The following CNOT3 variants were observed in gnomAD, a reference collection of about 807,000 sequenced individuals.
CNOT3 encodes CCR4-associated factor 3.
CNOT3 carries 2 observed loss-of-function variants against 89.4 expected under a neutral mutation model. The observed-to-expected ratio is 0.02, with a 90% CI of 0.01 to 0.07. The LOEUF (loss-of-function observed/expected upper bound fraction) is 0.07, where lower values mean the gene tolerates loss of function less well. Ranked by LOEUF, CNOT3 falls within the 10% of genes least tolerant of loss-of-function variation. CNOT3 has a pLI of 1.00. For missense variants in CNOT3, 664 were observed against 1,010.2 expected (o/e 0.66, Z 4.65); for synonymous variants, 486 against 402.0 (o/e 1.21, Z -2.50).
chr19:54,148,548 G>A lies in CNOT3; in HGVS notation c.1282+13G>A. 6.4e-7 allele frequency: 1 copy of A among 1,552,698 alleles called. No individual in the cohort carries two copies. On this transcript the variant is annotated intron_variant, in intron 11 of 17. Coordinates refer to ENST00000221232, the MANE Select transcript of CNOT3 (RefSeq NM_014516.4). The surrounding 1 kb of genome is among the most constrained non-coding windows in gnomAD (Gnocchi z 6.3). ...AATGGCGCCACCAGTGAGTGAGGAG[G>A]CAGCGGGGTGGGGGGCGTGGGCGGG...
Position 54,145,872 on chromosome 19 carries a change from G to A in CNOT3, c.704-38G>A. The stretch of plus-strand genomic sequence containing the variant: ...GAAGTGAGGGCCCAGAATGGGCTGT[G>A]TGAGCCAGCTAAGCATGCCCTTCTT... On this transcript the variant is annotated intron_variant, in intron 8 of 17. Coordinates refer to ENST00000221232, the MANE Select transcript of CNOT3 (RefSeq NM_014516.4). This position sits in a 1 kb window ranked among gnomAD's most constrained non-coding sequence, Gnocchi z 5.9. 6.2e-7 allele frequency: 1 copy of A among 1,612,012 alleles called. No individual in the cohort carries two copies. Among genetic ancestry groups the A allele is most frequent in the Non-Finnish European group, 8.5e-7 (1 of 1,178,768 alleles).
In CNOT3 at chr19:54,145,600, G is replaced by A. The variant is rs368181282; in HGVS notation, c.486G>A (p.Lys162=). The A allele has an allele frequency of 1.2e-6, 2 of 1,613,022 alleles. No individual in the cohort carries two copies. Among genetic ancestry groups the A allele is most frequent in the Non-Finnish European group, 1.7e-6 (2 of 1,179,200 alleles). The change falls in exon 8 of 18, where the codon AAG becomes AAA. Residue 162 remains lysine, a splice_region_variant and synonymous_variant. Coordinates refer to ENST00000221232, the MANE Select transcript of CNOT3 (RefSeq NM_014516.4). This position sits in a 1 kb window ranked among gnomAD's most constrained non-coding sequence, Gnocchi z 5.9. ...QTRKKKGDKD[K]QDRIEGLKRH... Reference sequence around the variant, plus strand: ...CCTGGCCCTGGGCTCGCCAGCAGAAGCAGGACCGGATTGAGGGCTTGAAGC... The same window carrying A: ...CCTGGCCCTGGGCTCGCCAGCAGAAACAGGACCGGATTGAGGGCTTGAAGC...
Position 54,145,102 on chromosome 19 carries a change from C to T in CNOT3, c.484-496C>T, listed in dbSNP as rs1389185115. Among the ~76,000 whole-genome samples, 3 of 152,052 alleles carry T rather than the reference C, an allele frequency of 2.0e-5. No individual in the cohort carries two copies. The highest frequency in any genetic ancestry group is 2.9e-5 in the Non-Finnish European group (2 of 68,000). On this transcript the variant is annotated intron_variant, in intron 7 of 17. Coordinates refer to ENST00000221232, the MANE Select transcript of CNOT3 (RefSeq NM_014516.4). This position sits in a 1 kb window ranked among gnomAD's most constrained non-coding sequence, Gnocchi z 5.9. ...CAGGAGCGAGGCTTAGGAATCTGGGCTCTCTCAGGGATAAATGGGTAGGGT... is the reference window on the plus strand; with the variant it reads ...CAGGAGCGAGGCTTAGGAATCTGGGTTCTCTCAGGGATAAATGGGTAGGGT...
At chr19:54,149,835 C>A in intron 13 of CNOT3, 77 bp downstream of exon 13, 1 of 1,394,504 alleles carries the variant, frequency 7.2e-7, no homozygotes, top group Non-Finnish European at 9.6e-7. Flanking sequence ...TAGCTGCACC[C>A]CTTGCCCCCA....
chr19:54,143,876 G>A (rs757002768), intron 5 of CNOT3, 127 bp downstream of exon 5: 15 of 1,468,978 alleles, frequency 1.0e-5, no homozygotes, highest in Non-Finnish European at 1.3e-5. Context: ...TGCACCTAAG[G>A]GAAGTGAAGA....
rs1458965831 is a variant in CNOT3 at position 54,149,674 on chromosome 19, C to T, written c.1521C>T (p.Ser507=). The T allele has an allele frequency of 1.2e-6, 2 of 1,613,980 alleles. No homozygotes were observed. The highest frequency in any genetic ancestry group is 1.3e-5 in the African/African-American group (1 of 74,926). The change falls in exon 13 of 18, where the codon TCC becomes TCT. Residue 507 remains serine (S), a synonymous_variant. Transcript: ENST00000221232. ...LVPLPVNPPS[S]PTPSFSDAKA... is the part of the protein sequence containing the mutation. ...CACTGCCTGTGAATCCTCCCAGCTC[C>T]CCAACGCCCAGCTTCAGTGATGCCA...
intron 17 of CNOT3, chr19:54,154,299 T>A (rs759763547): frequency 5.0e-5 from 16 of 318,322 alleles, no homozygotes; most frequent in Non-Finnish European, 9.4e-5. Context: ...TCTCAAGTTC[T>A]AATACTGGGA....
chr19:54,150,931 C>G (rs1356047198), intron 13 of CNOT3, among the ~76,000 whole-genome samples: 3 of 151,954 alleles, frequency 2.0e-5, no homozygotes, highest in Non-Finnish European at 4.4e-5. Flanking sequence ...GCTGGGATTA[C>G]AGGCGCCTGC....
chr19:54,151,945 CT>C (rs1370817070), intron 13 of CNOT3, among the ~76,000 whole-genome samples: 22 of 152,248 alleles, frequency 1.4e-4, no homozygotes, highest in African/African-American at 5.3e-4. Flanking sequence ...GCGTTTACTT[CT>C]GTAGTATGTC....
intron 16 of CNOT3, chr19:54,153,412 C>G (rs1322054314): frequency 1.3e-6 from 1 of 771,222 alleles, no homozygotes; most frequent in Non-Finnish European, 2.4e-6. Context: ...TGAGTGACCT[C>G]CACCCTCATC....
In CNOT3 at chr19:54,145,877, C is replaced by G; in HGVS notation, c.704-33C>G. 1 of 1,611,656 alleles carries G rather than the reference C, an allele frequency of 6.2e-7. No homozygotes were observed. The highest frequency in any genetic ancestry group is 1.1e-5 in the South Asian group (1 of 90,862). ...GAGGGCCCAGAATGGGCTGTGTGAGCCAGCTAAGCATGCCCTTCTTCTGCC... is the reference window on the plus strand; with the variant it reads ...GAGGGCCCAGAATGGGCTGTGTGAGGCAGCTAAGCATGCCCTTCTTCTGCC... On this transcript the variant is annotated intron_variant, in intron 8 of 17. Coordinates refer to ENST00000221232, the MANE Select transcript of CNOT3 (RefSeq NM_014516.4). The surrounding 1 kb of genome is among the most constrained non-coding windows in gnomAD (Gnocchi z 5.9).
In CNOT3 at chr19:54,148,807, C is replaced by CCTGAGGCCAATTGA; in HGVS notation, c.1406+66_1406+67insGAGGCCAATTGACT. 6.5e-7 allele frequency: 1 copy of CCTGAGGCCAATTGA among 1,546,674 alleles called. No individual in the cohort carries two copies. ...CTTTTGAAACAGAGAGGCGCAGGCG[C>CCTGAGGCCAATTGA]CTCACCCCCGCATCGGTGGGTTCTG... On this transcript the variant is annotated intron_variant, in intron 12 of 17. Coordinates refer to ENST00000221232, the MANE Select transcript of CNOT3 (RefSeq NM_014516.4). This position sits in a 1 kb window ranked among gnomAD's most constrained non-coding sequence, Gnocchi z 6.3.
rs587756227 is a variant in CNOT3 at position 54,146,398 on chromosome 19, G to A, written c.838-203G>A. ...AGATCCTTAAGAGGCTGGTGGGTCA[G>A]TGCTGGCTCCCAGAAAACAAGAAGA... On this transcript the variant is annotated intron_variant, in intron 9 of 17. Transcript: ENST00000221232. Among the ~76,000 whole-genome samples, 106 of 152,294 alleles carry A rather than the reference G, an allele frequency of 7.0e-4. 1 individual carries two copies. Among genetic ancestry groups the A allele is most frequent in the African/African-American group, 2.5e-3 (103 of 41,554 alleles).
chr19:54,155,098 C>T (rs2075340059), intron 17 of CNOT3: 6 of 595,080 alleles, frequency 1.0e-5, no homozygotes, highest in Non-Finnish European at 1.4e-5. Context: ...CTCTGCGGCC[C>T]CCTCCGTTTC....
At position 54,142,958 on chromosome 19, in the gene CNOT3, T is replaced by C. The variant is rs370627054; in HGVS notation, c.-21T>C. 76 of 1,613,036 alleles carry C rather than the reference T, an allele frequency of 4.7e-5. No homozygotes were observed. Among genetic ancestry groups the C allele is most frequent in the Non-Finnish European group, 5.7e-5 (67 of 1,179,488 alleles). ...CGTCTCCAAGAGAGTATGAAGAGAG[T>C]GCGTCTGTAGGGCAGGGAAGATGGC... On this transcript the variant is annotated 5_prime_UTR_variant, in exon 2 of 18. Transcript: ENST00000221232.
intron 3 of CNOT3, 74 bp from the exon 4 acceptor site, chr19:54,143,368 T>G: frequency 2.0e-6 from 3 of 1,488,552 alleles, no homozygotes; most frequent in Non-Finnish European, 2.8e-6. Context: ...GTCCCTAGCA[T>G]AAGGAAGAAT....
rs759703178 is a variant in CNOT3, at chr19:54,148,450, AGGC to A, written c.1204_1206del (p.Gly402del). On this transcript the variant is annotated inframe_deletion, in exon 11 of 18. Transcript: ENST00000221232. The surrounding 1 kb of genome is among the most constrained non-coding windows in gnomAD (Gnocchi z 6.3). Reference sequence around the variant, plus strand: ...CCAGCGTCCAGCCTAGCGGAGGCGGAGGCGGCGGCAGCGGAGGCGGAGGGAGCA... The same window carrying A: ...CCAGCGTCCAGCCTAGCGGAGGCGGAGGCGGCAGCGGAGGCGGAGGGAGCA... The A allele has an allele frequency of 6.4e-7, 1 of 1,566,230 alleles. No individual in the cohort carries two copies. The highest frequency in any genetic ancestry group is 8.7e-7 in the Non-Finnish European group (1 of 1,153,932).
Position 54,152,994 on chromosome 19 carries a change from C to T in CNOT3, c.2032C>T (p.Leu678=). ...TETLFFIFYY[L]EGTKAQYLAA... is the part of the protein sequence containing the mutation. ...GACACTCTTCTTCATCTTCTACTAT[C>T]TGGAGGTACAGCAGGGCCCCCGGGG... Residue 678 remains leucine, a synonymous_variant, in exon 16 of 18, where the codon CTG becomes TTG. Transcript: ENST00000221232. 6.2e-7 allele frequency: 1 copy of T among 1,605,366 alleles called. No individual in the cohort carries two copies. Among genetic ancestry groups the T allele is most frequent in the Non-Finnish European group, 8.5e-7 (1 of 1,173,362 alleles).
In CNOT3 at chr19:54,148,805, C is replaced by T. The variant is rs587766814; in HGVS notation, c.1406+62C>T. 89 of 1,552,044 alleles carry T rather than the reference C, an allele frequency of 5.7e-5. No individual in the cohort carries two copies. The African/African-American group carries it at 6.5e-4, about 11-fold the overall frequency. On this transcript the variant is annotated intron_variant, in intron 12 of 17. Coordinates refer to ENST00000221232, the MANE Select transcript of CNOT3 (RefSeq NM_014516.4). The surrounding 1 kb of genome is among the most constrained non-coding windows in gnomAD (Gnocchi z 6.3). Reference sequence around the variant, plus strand: ...GCCTTTTGAAACAGAGAGGCGCAGGCGCCTCACCCCCGCATCGGTGGGTTC... The same window carrying T: ...GCCTTTTGAAACAGAGAGGCGCAGGTGCCTCACCCCCGCATCGGTGGGTTC...
Sources: gnomAD v4.1 joint callset for allele counts (sites outside exome capture counted in the v4.1 genomes callset) on GRCh38, gnomAD v4.1.1 for gene constraint, Gnocchi (gnomAD v3.1) non-coding constraint, MANE v1.5 for transcripts, NCBI Gene and HGNC (gene_info 2026-07-23, HGNC 2026-07-21) for gene names.